ELP1: variants seen among roughly 807,000 people sequenced by gnomAD.
ELP1 encodes the protein elongator complex protein 1.
Under a neutral mutation model 183.2 loss-of-function variants are expected in ELP1, and 131 were observed. The observed-to-expected ratio is 0.72, with a 90% CI of 0.62 to 0.83. The LOEUF is 0.83. Among genes scored for constraint, ELP1 ranks in the 40% least tolerant of loss-of-function variants. The pLI, the probability that ELP1 is intolerant of heterozygous loss-of-function variation, is 0.00. For synonymous variants in ELP1, 555 were observed against 569.0 expected (o/e 0.98, Z 0.35); for missense variants, 1,550 against 1,594.9 (o/e 0.97, Z 0.48).
chr9:108,872,869 A>AT (rs1182939038), intron 36 of ELP1, among the ~76,000 whole-genome samples: 1 of 148,700 alleles, frequency 6.7e-6, no homozygotes, highest in Non-Finnish European at 1.5e-5. Context: ...GCTCTATCTC[A>AT]TTTTTTAAAA....
At chr9:108,926,459 C>A in intron 5 of ELP1, 64 bp downstream of exon 5, 3 of 1,295,644 alleles carry the variant, frequency 2.3e-6, no homozygotes, top group South Asian at 1.2e-5. Flanking sequence ...TATTAGTGCA[C>A]AAGGAAATGG....
chr9:108,894,374 T>C (rs1308021267), intron 25 of ELP1, among the ~76,000 whole-genome samples: 3 of 152,058 alleles, frequency 2.0e-5, no homozygotes, highest in Non-Finnish European at 4.4e-5. Context: ...CCTGCAAATA[T>C]TGTACTTTTG....
intron 35 of ELP1, among the ~76,000 whole-genome samples, chr9:108,876,091 C>T (rs537177842): frequency 7.2e-5 from 11 of 152,100 alleles, no homozygotes; most frequent in Non-Finnish European, 1.2e-4. Context: ...GCGGGGACAA[C>T]TTGGTGACAC....
chr9:108,928,325 A>G (rs939640521), intron 3 of ELP1, among the ~76,000 whole-genome samples: 1 of 152,238 alleles, frequency 6.6e-6, no homozygotes, highest in African/African-American at 2.4e-5. Flanking sequence ...CGAGGGAGAT[A>G]AAAGAAGACC....
Position 108,867,686 on chromosome 9 carries a change from G to A in ELP1, c.*1429C>T, listed in dbSNP as rs199666995. The A allele has an allele frequency of 1.3e-5, 2 of 152,154 alleles. No individual in the cohort carries two copies. Among genetic ancestry groups the A allele is most frequent in the East Asian group, 3.9e-4 (2 of 5,194 alleles). 9.4% of individuals were successfully genotyped at this position (152,154 alleles called of 1,614,324 possible). ...TTTCAATATTGGGCACTTAATTACA[G>A]CAAACCCATGTAAGTCAAAAAGTAG... is the stretch of plus-strand genomic sequence containing the variant. On this transcript the variant is annotated 3_prime_UTR_variant, in exon 37 of 37. Transcript: ENST00000374647.
In ELP1 at chr9:108,880,113, G is replaced by A. The variant is rs1400581466; in HGVS notation, c.3399C>T (p.Arg1133=). 1 of 1,614,164 alleles carries A rather than the reference G, an allele frequency of 6.2e-7. No homozygotes were observed. Among genetic ancestry groups the A allele is most frequent in the South Asian group, 1.1e-5 (1 of 91,076 alleles). ...FLDSQTATFS[R]HKKRLLVVRE... ...GAACTACCAATAAACGTTTCTTGTG[G>A]CGACTGAATGTGGCTGTCTGAGAGT... Residue 1133 remains arginine, a synonymous_variant, in exon 32 of 37, where the codon CGC becomes CGT. Transcript: ENST00000374647.
chr9:108,930,304 C>T (rs776604497), intron 2 of ELP1, among the ~76,000 whole-genome samples: 5 of 152,190 alleles, frequency 3.3e-5, no homozygotes, highest in Non-Finnish European at 5.9e-5. Context: ...ATATCAAAAC[C>T]AACCCACAGA....
rs138630440 is a variant in ELP1, at chr9:108,933,985, G to A, written c.-177C>T. The A allele has an allele frequency of 2.5e-3, 389 of 157,644 alleles. 3 individuals are homozygous for A. The highest frequency in any genetic ancestry group is 8.7e-3 in the African/African-American group (361 of 41,618). 9.8% of individuals were successfully genotyped at this position (157,644 alleles called of 1,614,324 possible). ...GGCTCCGAATTGCGCACGCGTCTCTGTCCGCGGCTCCCGCTCTCTCTCCGA... is the reference window on the plus strand; with the variant it reads ...GGCTCCGAATTGCGCACGCGTCTCTATCCGCGGCTCCCGCTCTCTCTCCGA... On this transcript the variant is annotated 5_prime_UTR_variant, in exon 1 of 37. Coordinates refer to ENST00000374647, the MANE Select transcript of ELP1 (RefSeq NM_003640.5).
intron 4 of ELP1, 151 bp from the exon 5 acceptor site, chr9:108,926,754 A>C: frequency 1.5e-6 from 1 of 667,910 alleles, no homozygotes. Context: ...AAAAACAACA[A>C]TGACAAAAAA....
chr9:108,877,652 G>T (rs1283319703), intron 35 of ELP1, among the ~76,000 whole-genome samples: 1 of 152,138 alleles, frequency 6.6e-6, no homozygotes, highest in East Asian at 1.9e-4. Context: ...CCTGAGTTCT[G>T]AAAGGAAAGT....
chr9:108,920,000 C>G (rs1001038257), intron 6 of ELP1, among the ~76,000 whole-genome samples: 1 of 152,082 alleles, frequency 6.6e-6, no homozygotes, highest in African/African-American at 2.4e-5. Context: ...GTAGTCTGCA[C>G]AGTAGGGAAT....
At chr9:108,911,461 T>C (rs1411019411) in intron 11 of ELP1, among the ~76,000 whole-genome samples, 1 of 152,150 alleles carries the variant, frequency 6.6e-6, no homozygotes, top group Non-Finnish European at 1.5e-5. Context: ...AGGTCAGACC[T>C]CTAGCTTTAA....
chr9:108,878,727 T>G lies in ELP1; in HGVS notation c.3596A>C (p.Lys1199Thr). The G allele has an allele frequency of 6.2e-7, 1 of 1,614,230 alleles. No homozygotes were observed. Among genetic ancestry groups the G allele is most frequent in the Non-Finnish European group, 8.5e-7 (1 of 1,180,040 alleles). ...ISARSSKNRR[K>T]AERKKHSLKE... ...GAGGCTGTGCTTCTTCCGCTCCGCT[T>G]TTCGGCGATTCTTGGATGATCTCCT... The change falls in exon 34 of 37, where the codon AAA (lysine) becomes ACA (threonine). Residue 1199 changes from lysine to threonine, a missense_variant. Coordinates refer to ENST00000374647, the MANE Select transcript of ELP1 (RefSeq NM_003640.5).
chr9:108,889,188 C>A (rs1828231300), intron 29 of ELP1, 144 bp downstream of exon 29: 2 of 810,018 alleles, frequency 2.5e-6, no homozygotes, highest in South Asian at 2.8e-5. Context: ...CAAGTCAAGC[C>A]AGCAAGATAA....
intron 10 of ELP1, among the ~76,000 whole-genome samples, chr9:108,914,031 T>G (rs141304266): frequency 6.4e-4 from 98 of 152,270 alleles, no homozygotes; most frequent in African/African-American, 2.2e-3. Context: ...GAATATCATT[T>G]TTTTTCTAAA....
chr9:108,870,976 T>A (rs1201016561), intron 36 of ELP1, among the ~76,000 whole-genome samples: 1 of 148,722 alleles, frequency 6.7e-6, no homozygotes, highest in African/African-American at 2.5e-5. Flanking sequence ...ACCATTTTTT[T>A]TTTTTTTTTT....
intron 5 of ELP1, 112 bp from the exon 6 acceptor site, chr9:108,923,039 C>T: frequency 1.2e-6 from 1 of 814,120 alleles, no homozygotes; most frequent in Non-Finnish European, 2.2e-6. Flanking sequence ...TCCTCTAACG[C>T]CTCTCAATAA....
At position 108,868,834 on chromosome 9, in the gene ELP1, T is replaced by G; in HGVS notation, c.*281A>C. 1.7e-6 allele frequency: 1 copy of G among 593,728 alleles called. No homozygotes were observed. The highest frequency in any genetic ancestry group is 3.0e-6 in the Non-Finnish European group (1 of 333,536). The allele number at this position is 593,728 out of a possible 1,614,324, so 36.8% of individuals were successfully genotyped here. On this transcript the variant is annotated 3_prime_UTR_variant, in exon 37 of 37. Transcript: ENST00000374647. ...TGAAACATTAATCTCATGATTACCA[T>G]AATTATGCTCTCAAACAGCCCAAGT...
chr9:108,914,625 C>T (rs1047862583), intron 10 of ELP1, among the ~76,000 whole-genome samples: 1 of 151,794 alleles, frequency 6.6e-6, no homozygotes, highest in Non-Finnish European at 1.5e-5. Context: ...CACACCTACA[C>T]TTTTTTTTGT....
Sources: gnomAD v4.1 joint callset for allele counts (sites outside exome capture counted in the v4.1 genomes callset) on GRCh38, gnomAD v4.1.1 for gene constraint, MANE v1.5 for transcripts, NCBI Gene and HGNC (gene_info 2026-07-23, HGNC 2026-07-21) for gene names.